Variants in MGA observed in about 807,000 individuals in gnomAD.
MGA encodes the protein MAX dimerization protein MGA.
Under a neutral mutation model 261.1 loss-of-function variants are expected in MGA, and 40 were observed. The observed-to-expected ratio is 0.15, with a 90% CI of 0.12 to 0.20. The LOEUF is 0.20. Ranked by LOEUF, MGA falls within the 10% of genes least tolerant of loss-of-function variation. The pLI is 1.00. For missense variants in MGA, 3,397 were observed against 3,630.5 expected (o/e 0.94, Z 1.65); for synonymous variants, 1,302 against 1,290.6 (o/e 1.01, Z -0.19).
At chr15:41,720,069 A>C (rs1385477508) in intron 9 of MGA, among the ~76,000 whole-genome samples, 3 of 152,200 alleles carry the variant, frequency 2.0e-5, no homozygotes, top group African/African-American at 7.2e-5. Context: ...AAACATGAAA[A>C]GCAGAACTTA....
intron 9 of MGA, among the ~76,000 whole-genome samples, chr15:41,714,804 G>T (rs964792523): frequency 6.6e-6 from 1 of 152,154 alleles, no homozygotes; most frequent in Non-Finnish European, 1.5e-5. Flanking sequence ...TTAGTTTTCT[G>T]TTCTAACACT....
intron 5 of MGA, among the ~76,000 whole-genome samples, chr15:41,701,680 G>A (rs2059862418): frequency 6.6e-6 from 1 of 152,170 alleles, no homozygotes; most frequent in African/African-American, 2.4e-5. Context: ...TCATAGTTCA[G>A]TAGAAGCTGG....
chr15:41,662,513 A>ATAT (rs1284030019), intron 1 of MGA, among the ~76,000 whole-genome samples: 1 of 152,222 alleles, frequency 6.6e-6, no homozygotes, highest in Non-Finnish European at 1.5e-5. Context: ...AATGCCCAGG[A>ATAT]TATTGTCTGT....
chr15:41,694,832 G>A (rs922150068), intron 2 of MGA, among the ~76,000 whole-genome samples: 8 of 152,192 alleles, frequency 5.3e-5, no homozygotes, highest in Admixed American at 2.6e-4. Flanking sequence ...ATTCAGTGGT[G>A]CAATTGTAGC....
chr15:41,741,172 C>A (rs1016803109), intron 14 of MGA, among the ~76,000 whole-genome samples: 7 of 151,962 alleles, frequency 4.6e-5, no homozygotes, highest in African/African-American at 1.7e-4. Flanking sequence ...CATGGTGAAA[C>A]CCCATCTCTA....
rs181474763 is a variant in MGA at position 41,683,070 on chromosome 15, T to C, written c.1065-13005T>C. The stretch of plus-strand genomic sequence containing the variant: ...TTGAAAATGTGTTGTTGCCTCCCGG[T>C]TTCCTGTTGAGAAGTTTGATGGCAT... On this transcript the variant is annotated intron_variant, in intron 2 of 23. Coordinates refer to ENST00000219905, the MANE Select transcript of MGA (RefSeq NM_001164273.2). Among the ~76,000 whole-genome samples, 7 of 152,280 alleles carry C rather than the reference T, an allele frequency of 4.6e-5. No homozygotes were observed. The East Asian group carries it at 1.4e-3, about 29-fold the overall frequency.
At chr15:41,701,580 G>A (rs2059857873) in intron 5 of MGA, among the ~76,000 whole-genome samples, 1 of 152,136 alleles carries the variant, frequency 6.6e-6, no homozygotes, top group Non-Finnish European at 1.5e-5. Context: ...GACTCTGGTC[G>A]GGTAGAGTAC....
Position 41,729,475 on chromosome 15 carries a change from A to T in MGA, c.3843+126A>T. 8 of 902,202 alleles carry T rather than the reference A, an allele frequency of 8.9e-6. No individual in the cohort carries two copies. In the South Asian group the frequency reaches 1.4e-4, roughly 16 times the overall value. The allele number at this position is 902,202 out of a possible 1,614,324, so 55.9% of individuals were successfully genotyped here. A position where few individuals can be genotyped will look rare whatever the true frequency, so the allele number is the denominator to read the frequency against. On this transcript the variant is annotated intron_variant, in intron 11 of 23. Transcript: ENST00000219905. ...AGAAGTCATACATGACATGTATAAC[A>T]GTTTATTTCTCTGTGTACCTATTGT...
At chr15:41,685,114 G>C (rs2058885536) in intron 2 of MGA, among the ~76,000 whole-genome samples, 1 of 152,170 alleles carries the variant, frequency 6.6e-6, no homozygotes. Flanking sequence ...TTAATTCTGT[G>C]ATCTGTCTTG....
intron 2 of MGA, among the ~76,000 whole-genome samples, chr15:41,676,443 C>T (rs766901075): frequency 9.9e-5 from 15 of 152,216 alleles, no homozygotes; most frequent in Non-Finnish European, 1.5e-4. Context: ...CGTGAGCCAC[C>T]GTGCCTGGCC....
intron 1 of MGA, among the ~76,000 whole-genome samples, chr15:41,644,065 A>T (rs1449353088): frequency 6.6e-6 from 1 of 152,138 alleles, no homozygotes; most frequent in African/African-American, 2.4e-5. Context: ...CTGAACCAAC[A>T]TAATTCTTTT....
intron 1 of MGA, among the ~76,000 whole-genome samples, chr15:41,626,978 C>G (rs2056471238): frequency 6.6e-6 from 1 of 152,174 alleles, no homozygotes; most frequent in Non-Finnish European, 1.5e-5. Context: ...GATCCTCCCA[C>G]TTCAGCCTCC....
intron 5 of MGA, among the ~76,000 whole-genome samples, chr15:41,706,456 G>A (rs996927836): frequency 1.3e-5 from 2 of 151,448 alleles, no homozygotes; most frequent in African/African-American, 4.8e-5. Flanking sequence ...GGATACATGG[G>A]GTTCATAACC....
At chr15:41,755,084 C>G (rs139689465) in intron 18 of MGA, among the ~76,000 whole-genome samples, 32 of 152,244 alleles carry the variant, frequency 2.1e-4, no homozygotes, top group African/African-American at 7.5e-4. Flanking sequence ...CTTCCTGTTT[C>G]ACTGGTGAGA....
At position 41,700,041 on chromosome 15, in the gene MGA, GTTTTT is replaced by G. The variant is rs763919635; in HGVS notation, c.2188+901_2188+905del. Among the ~76,000 whole-genome samples the G allele has an allele frequency of 2.2e-4, 22 of 101,562 alleles. No individual in the cohort carries two copies. In the East Asian group the frequency reaches 8.7e-3, roughly 40 times the overall value. The allele number at this position is 101,562 out of a possible 152,430, so 66.6% of individuals were successfully genotyped here. ...CTGTACCTATCAACCTGTCATCGAG[GTTTTT>G]TTTTTTTTTTTTTTTTTTGATGCGC... is the stretch of plus-strand genomic sequence containing the variant. On this transcript the variant is annotated intron_variant, in intron 5 of 23. Transcript: ENST00000219905.
intron 1 of MGA, among the ~76,000 whole-genome samples, chr15:41,636,522 G>A (rs1436995825): frequency 1.3e-5 from 2 of 150,318 alleles, no homozygotes; most frequent in South Asian, 4.2e-4. Context: ...GTACAGTGGC[G>A]GGATCTCGGC....
chr15:41,646,105 A>C (rs1200698458), intron 1 of MGA, among the ~76,000 whole-genome samples: 1 of 152,040 alleles, frequency 6.6e-6, no homozygotes. Context: ...AAGCTCAATC[A>C]CTGCTTCAGA....
At chr15:41,702,750 T>G (rs1208419747) in intron 5 of MGA, among the ~76,000 whole-genome samples, 1 of 152,254 alleles carries the variant, frequency 6.6e-6, no homozygotes, top group Non-Finnish European at 1.5e-5. Flanking sequence ...GTATCTACAT[T>G]GGTCTGCTTT....
At chr15:41,686,843 A>G (rs1017961055) in intron 2 of MGA, among the ~76,000 whole-genome samples, 5 of 148,250 alleles carry the variant, frequency 3.4e-5, no homozygotes, top group African/African-American at 1.3e-4. Context: ...CCATGATGAT[A>G]TCATCCTTTT....
Sources: gnomAD v4.1 joint callset for allele counts (sites outside exome capture counted in the v4.1 genomes callset) on GRCh38, gnomAD v4.1.1 for gene constraint, MANE v1.5 for transcripts, NCBI Gene and HGNC (gene_info 2026-07-23, HGNC 2026-07-21) for gene names.